WBP1L: variants seen among roughly 807,000 people sequenced by gnomAD.
WBP1L encodes WW domain binding protein 1 like, also known as WW domain binding protein 1-like.
Under a neutral mutation model 33.7 loss-of-function variants are expected in WBP1L, and 17 were observed. The ratio of observed to expected loss-of-function variants is 0.50; its 90% CI spans 0.34 to 0.76. The LOEUF is 0.76. Among genes scored for constraint, WBP1L ranks in the 30% least tolerant of loss-of-function variants. The pLI is 0.01. For synonymous variants in WBP1L, 173 were observed against 190.8 expected, an observed-to-expected ratio of 0.91 and a Z score of 0.77; for missense variants, 389 against 469.4, an observed-to-expected ratio of 0.83 and a Z score of 1.58.
chr10:102,773,802 G>A (rs931250098), intron 1 of WBP1L, among the ~76,000 whole-genome samples: 2 of 151,738 alleles, frequency 1.3e-5, no homozygotes, highest in African/African-American at 4.8e-5. Context: ...GGGAGGATGA[G>A]GCAGGAGGAT....
rs552463599 is a variant in WBP1L, at chr10:102,780,537, A to G, written c.91-17456A>G. ...GTAATGTCGAAGGTTTCTTAGGAGC[A>G]ACACTCAGCATCTGAAAAGTCCTGT... On this transcript the variant is annotated intron_variant, in intron 1 of 3. Coordinates refer to ENST00000448841, the MANE Select transcript of WBP1L (RefSeq NM_001083913.2). 9.8e-5 allele frequency among the ~76,000 whole-genome samples: 15 copies of G among 152,342 alleles called. No individual in the cohort carries two copies. The East Asian group carries it at 2.9e-3, about 29-fold the overall frequency.
chr10:102,746,125 C>T (rs781359684), intron 1 of WBP1L: 6 of 985,052 alleles, frequency 6.1e-6, no homozygotes, highest in African/African-American at 3.5e-5. Flanking sequence ...TTTTCAGCAA[C>T]GGGGATGATG....
At chr10:102,774,534 T>C (rs17114963) in intron 1 of WBP1L, among the ~76,000 whole-genome samples, 2,008 of 152,276 alleles carry the variant, frequency 0.013, 32 homozygotes, top group African/African-American at 0.045. Flanking sequence ...TTGACCATCA[T>C]TGGGGACCTG....
intron 1 of WBP1L, among the ~76,000 whole-genome samples, chr10:102,777,561 CTTTTTTTTTTTTTT>C (rs35713577): frequency 5.4e-5 from 3 of 55,594 alleles, no homozygotes; most frequent in East Asian, 1.2e-3. Flanking sequence ...AAAGGCTGTC[CTTTTTTTTTTTTTT>C]TTTTTTTTTT....
At chr10:102,782,722 A>G (rs1351115017) in intron 1 of WBP1L, among the ~76,000 whole-genome samples, 2 of 152,038 alleles carry the variant, frequency 1.3e-5, no homozygotes, top group South Asian at 2.1e-4. Flanking sequence ...AGAGGCTTCT[A>G]TTGCTGGTTG....
At chr10:102,786,395 C>T (rs1014616885) in intron 1 of WBP1L, among the ~76,000 whole-genome samples, 2 of 152,058 alleles carry the variant, frequency 1.3e-5, no homozygotes, top group Non-Finnish European at 2.9e-5. Flanking sequence ...CTTTTTAGAT[C>T]CAGGGCAGTG....
At chr10:102,776,275 G>T (rs1184848355) in intron 1 of WBP1L, 49 of 1,606,614 alleles carry the variant, frequency 3.0e-5, no homozygotes, top group South Asian at 1.7e-4. Flanking sequence ...TGCTAAAGAA[G>T]GCCGGTGAAC....
At chr10:102,811,285 T>G (rs981683313) in intron 3 of WBP1L, among the ~76,000 whole-genome samples, 12 of 152,170 alleles carry the variant, frequency 7.9e-5, no homozygotes, top group Admixed American at 7.2e-4. Context: ...CTGTGTGATA[T>G]GCCTGAGCAG....
intron 3 of WBP1L, 111 bp from the exon 4 acceptor site, chr10:102,812,484 T>C: frequency 5.4e-6 from 7 of 1,291,102 alleles, no homozygotes; most frequent in Admixed American, 2.5e-5. Context: ...CCATCACTTG[T>C]TGGGTGCTCT....
At chr10:102,790,256 A>T (rs1299725765) in intron 1 of WBP1L, among the ~76,000 whole-genome samples, 1 of 151,656 alleles carries the variant, frequency 6.6e-6, no homozygotes, top group East Asian at 1.9e-4. Context: ...CCATCTGTTG[A>T]GTTTTTTCTT....
chr10:102,775,245 T>C (rs1324793123), intron 1 of WBP1L, among the ~76,000 whole-genome samples: 7 of 152,028 alleles, frequency 4.6e-5, no homozygotes, highest in South Asian at 4.2e-4. Flanking sequence ...AGTGTTGTCT[T>C]TGGTAGAGGA....
intron 1 of WBP1L, among the ~76,000 whole-genome samples, chr10:102,757,375 G>A (rs1005922516): frequency 6.6e-6 from 1 of 152,096 alleles, no homozygotes; most frequent in African/African-American, 2.4e-5. Flanking sequence ...AAGAGTGATG[G>A]GGTCACCGCC....
At chr10:102,803,295 C>G (rs988498693) in intron 2 of WBP1L, among the ~76,000 whole-genome samples, 1 of 152,194 alleles carries the variant, frequency 6.6e-6, no homozygotes, top group African/African-American at 2.4e-5. Flanking sequence ...GGGAGGAGAG[C>G]TCACTTACAG....
intron 1 of WBP1L, among the ~76,000 whole-genome samples, chr10:102,765,757 G>T (rs1843098612): frequency 6.6e-6 from 1 of 152,212 alleles, no homozygotes; most frequent in African/African-American, 2.4e-5. Flanking sequence ...TGAGTTGCAT[G>T]TAAGAAGTGA....
Position 102,813,509 on chromosome 10 carries a change from G to A in WBP1L, c.*178G>A. 1.2e-6 allele frequency: 1 copy of A among 861,750 alleles called. No individual in the cohort carries two copies. Among genetic ancestry groups the A allele is most frequent in the South Asian group, 1.8e-5 (1 of 54,548 alleles). 53.4% of individuals were successfully genotyped at this position (861,750 alleles called of 1,614,324 possible). On this transcript the variant is annotated 3_prime_UTR_variant, in exon 4 of 4. Coordinates refer to ENST00000448841, the MANE Select transcript of WBP1L (RefSeq NM_001083913.2). Reference sequence around the variant, plus strand: ...ATCTCCAGGTACAGTTCGGGGTGTGGATGCCTCTTCCTCCACAAGGGCACA... The same window carrying A: ...ATCTCCAGGTACAGTTCGGGGTGTGAATGCCTCTTCCTCCACAAGGGCACA...
At chr10:102,758,705 C>T (rs1381585864) in intron 1 of WBP1L, among the ~76,000 whole-genome samples, 1 of 152,124 alleles carries the variant, frequency 6.6e-6, no homozygotes, top group African/African-American at 2.4e-5. Context: ...CATCAAGATG[C>T]AGAGACCGGT....
intron 2 of WBP1L, among the ~76,000 whole-genome samples, chr10:102,801,323 T>C (rs924490214): frequency 2.0e-5 from 3 of 152,210 alleles, no homozygotes; most frequent in Non-Finnish European, 4.4e-5. Context: ...CAAACCCTTA[T>C]TCCAGTGCTC....
At chr10:102,767,759 A>G (rs572531800) in intron 1 of WBP1L, among the ~76,000 whole-genome samples, 1 of 152,350 alleles carries the variant, frequency 6.6e-6, no homozygotes, top group Non-Finnish European at 1.5e-5. Context: ...AGTAAATATC[A>G]AACAAGCAAA....
intron 3 of WBP1L, among the ~76,000 whole-genome samples, chr10:102,810,351 C>A (rs560780383): frequency 6.8e-6 from 1 of 147,692 alleles, no homozygotes; most frequent in East Asian, 2.0e-4. Flanking sequence ...ACCTACCTAA[C>A]TTCCTCCCTT....
Sources: gnomAD v4.1 joint callset for allele counts (sites outside exome capture counted in the v4.1 genomes callset) on GRCh38, gnomAD v4.1.1 for gene constraint, MANE v1.5 for transcripts, NCBI Gene and HGNC (gene_info 2026-07-23, HGNC 2026-07-21) for gene names.